The following ELMOD1 variants were observed in gnomAD, a reference collection of about 807,000 sequenced individuals.
ELMOD1 encodes ELMO domain containing 1, also known as ELMO domain-containing protein 1.
Under a neutral mutation model 46.7 loss-of-function variants are expected in ELMOD1, and 21 were observed. The ratio of observed to expected loss-of-function variants is 0.45; its 90% CI spans 0.32 to 0.65. The LOEUF (loss-of-function observed/expected upper bound fraction) is 0.65, where lower values mean the gene tolerates loss of function less well. Ranked by LOEUF, ELMOD1 falls within the 30% of genes least tolerant of loss-of-function variation. The probability of loss-of-function intolerance (pLI) is 0.04; values close to 1 mark genes in which losing one functional copy is unlikely to be tolerated. For missense variants in ELMOD1, 348 were observed against 407.8 expected, an observed-to-expected ratio of 0.85 and a Z score of 1.26; for synonymous variants, 122 against 138.2, an observed-to-expected ratio of 0.88 and a Z score of 0.82.
intron 6 of ELMOD1, among the ~76,000 whole-genome samples, chr11:107,641,981 G>A (rs555447861): frequency 2.2e-4 from 27 of 120,842 alleles, no homozygotes; most frequent in African/African-American, 8.1e-4. Context: ...GTCTCACTCT[G>A]TCACCCAGGC....
intron 5 of ELMOD1, 48 bp from the exon 6 acceptor site, chr11:107,635,588 A>G (rs2135694028): frequency 6.3e-7 from 1 of 1,580,502 alleles, no homozygotes; most frequent in Admixed American, 1.9e-5. Flanking sequence ...TGCCAAAGTG[A>G]ATGCCCTGTT....
intron 1 of ELMOD1, among the ~76,000 whole-genome samples, chr11:107,616,305 T>C (rs927290045): frequency 7.9e-5 from 12 of 151,632 alleles, no homozygotes; most frequent in Non-Finnish European, 1.5e-4. Context: ...CCTACTGTAG[T>C]TATTCTTTTT....
intron 2 of ELMOD1, among the ~76,000 whole-genome samples, chr11:107,626,560 A>G (rs375874110): frequency 2.2e-5 from 1 of 46,164 alleles, no homozygotes; most frequent in South Asian, 9.6e-4. Context: ...CCTGTCCCCC[A>G]CTTCCCCTTC....
At chr11:107,639,634 A>G (rs187700612) in intron 6 of ELMOD1, among the ~76,000 whole-genome samples, 2 of 152,282 alleles carry the variant, frequency 1.3e-5, no homozygotes, top group African/African-American at 4.8e-5. Context: ...AGAAGTGTTC[A>G]AATAAACTTG....
intron 5 of ELMOD1, among the ~76,000 whole-genome samples, chr11:107,635,180 T>C (rs1254718115): frequency 3.9e-5 from 6 of 152,234 alleles, no homozygotes; most frequent in Non-Finnish European, 1.5e-5. Flanking sequence ...TCTAAGGTAA[T>C]TCTGATATGA....
At chr11:107,644,145 A>T (rs990863397) in intron 6 of ELMOD1, among the ~76,000 whole-genome samples, 1 of 151,700 alleles carries the variant, frequency 6.6e-6, no homozygotes, top group Non-Finnish European at 1.5e-5. Context: ...AAAATACGAA[A>T]ATGAGCTGGG....
chr11:107,616,868 G>A (rs2135672371), intron 1 of ELMOD1, among the ~76,000 whole-genome samples: 1 of 152,246 alleles, frequency 6.6e-6, no homozygotes, highest in South Asian at 2.1e-4. Context: ...CCATTTCCCA[G>A]GGTCCCCTAG....
chr11:107,608,366 C>A (rs76388595), intron 1 of ELMOD1, among the ~76,000 whole-genome samples: 2 of 140,902 alleles, frequency 1.4e-5, no homozygotes, highest in African/African-American at 2.7e-5. Context: ...TAAAAAAAAA[C>A]ATATTTTCAC....
intron 11 of ELMOD1, among the ~76,000 whole-genome samples, chr11:107,664,731 T>A (rs1866810915): frequency 6.9e-6 from 1 of 145,714 alleles, no homozygotes; most frequent in Non-Finnish European, 1.5e-5. Context: ...TCAGAAAATG[T>A]TCCCGATGCG....
chr11:107,665,119 G>A lies in ELMOD1; in HGVS notation c.927G>A (p.Arg309=). 1 of 1,613,932 alleles carries A rather than the reference G, an allele frequency of 6.2e-7. No homozygotes were observed. The highest frequency in any genetic ancestry group is 8.5e-7 in the Non-Finnish European group (1 of 1,179,878). ...FNRVREKFRK[R]IIKQLQNPDM... is the part of the protein sequence containing the mutation. ...GTGTGAGGGAGAAATTCCGCAAGAG[G>A]ATCATCAAACAGCTGCAGAACCCAG... The change falls in exon 12 of 12, where the codon AGG becomes AGA. Residue 309 remains arginine (R), a synonymous_variant. Coordinates refer to ENST00000265840, the MANE Select transcript of ELMOD1 (RefSeq NM_018712.4).
intron 9 of ELMOD1, chr11:107,653,502 T>C (rs968137708): frequency 3.9e-5 from 6 of 152,076 alleles, no homozygotes; most frequent in Non-Finnish European, 7.4e-5. Flanking sequence ...ATAGCACTTA[T>C]TGGGACAGAG....
chr11:107,606,799 A>G (rs965010574), intron 1 of ELMOD1, among the ~76,000 whole-genome samples: 4 of 152,090 alleles, frequency 2.6e-5, no homozygotes, highest in African/African-American at 9.7e-5. Context: ...AGCCTGGGTG[A>G]TAAAGCAAGA....
chr11:107,635,527 AATATT>A, intron 5 of ELMOD1, 104 bp from the exon 6 acceptor site: 3 of 1,087,218 alleles, frequency 2.8e-6, no homozygotes, highest in South Asian at 2.0e-5. Flanking sequence ...CAATTTCCTG[AATATT>A]ATATTAATAT....
intron 2 of ELMOD1, among the ~76,000 whole-genome samples, chr11:107,620,821 G>A (rs544894678): frequency 1.6e-4 from 24 of 152,264 alleles, no homozygotes; most frequent in African/African-American, 5.8e-4. Flanking sequence ...CCGAGATAAT[G>A]CCACTGCATT....
chr11:107,615,089 A>C (rs1865838437), intron 1 of ELMOD1, among the ~76,000 whole-genome samples: 1 of 152,152 alleles, frequency 6.6e-6, no homozygotes, highest in Admixed American at 6.5e-5. Context: ...ACCCTATAGT[A>C]TCCCTAGTGC....
intron 6 of ELMOD1, among the ~76,000 whole-genome samples, chr11:107,642,413 G>T (rs887076224): frequency 4.6e-5 from 7 of 151,794 alleles, no homozygotes; most frequent in African/African-American, 1.7e-4. Flanking sequence ...CTGTCACCCA[G>T]GCTGGAGTGC....
chr11:107,600,515 G>C (rs1453932845), intron 1 of ELMOD1: 2 of 152,150 alleles, frequency 1.3e-5, no homozygotes, highest in Admixed American at 6.5e-5. Flanking sequence ...TGCTCTAGCT[G>C]AGGATTTGTG....
intron 6 of ELMOD1, among the ~76,000 whole-genome samples, chr11:107,644,887 C>A (rs1450139613): frequency 1.3e-5 from 2 of 151,400 alleles, no homozygotes; most frequent in South Asian, 2.1e-4. Flanking sequence ...TTGTGTCAGT[C>A]ACCAAATCAG....
intron 1 of ELMOD1, among the ~76,000 whole-genome samples, chr11:107,604,486 C>T (rs150702036): frequency 3.3e-5 from 5 of 152,178 alleles, no homozygotes; most frequent in Non-Finnish European, 5.9e-5. Context: ...CATCACAGCC[C>T]GGAATTTGGA....
Sources: allele counts gnomAD v4.1 joint callset (sites outside exome capture counted in the v4.1 genomes callset), GRCh38; gene constraint gnomAD v4.1.1; transcripts MANE v1.5; gene names NCBI Gene and HGNC (gene_info 2026-07-23, HGNC 2026-07-21).